Variants in SARNP observed in about 807,000 individuals in gnomAD.
SARNP encodes the protein SAP domain containing ribonucleoprotein.
Under a neutral mutation model 38.1 loss-of-function variants are expected in SARNP, and 5 were observed. The observed-to-expected ratio is 0.13, with a 90% confidence interval of 0.07 to 0.28. SARNP has a LOEUF of 0.28. Among genes scored for constraint, SARNP ranks in the 10% least tolerant of loss-of-function variants. SARNP has a pLI of 1.00. For synonymous variants in SARNP, 84 were observed against 80.6 expected, an observed-to-expected ratio of 1.04 and a Z score of -0.23; for missense variants, 180 against 243.9, an observed-to-expected ratio of 0.74 and a Z score of 1.75.
Position 55,757,454 on chromosome 12 carries a change from CAAG to C in SARNP, c.*55_*57del, listed in dbSNP as rs531443385. On this transcript the variant is annotated 3_prime_UTR_variant, in exon 11 of 11. Transcript: ENST00000336133. ...CTGTGCATTTAGGCATATATGTGAC[CAAG>C]AAGAAGGAGAGAAATGGAAAACACT... 3.2e-5 allele frequency: 48 copies of C among 1,498,234 alleles called. No individual in the cohort carries two copies. The highest frequency in any genetic ancestry group is 3.5e-4 in the Middle Eastern group (2 of 5,770). 92.8% of individuals were successfully genotyped at this position (1,498,234 alleles called of 1,614,324 possible). A position where few individuals can be genotyped will look rare whatever the true frequency, so the allele number is the denominator to read the frequency against.
chr12:55,795,028 C>A, intron 5 of SARNP, 148 bp from the exon 6 acceptor site: 1 of 548,790 alleles, frequency 1.8e-6, no homozygotes, highest in Non-Finnish European at 3.2e-6. Flanking sequence ...GGCATGATCT[C>A]GGCTCACTGC....
intron 1 of SARNP, among the ~76,000 whole-genome samples, chr12:55,806,305 T>G (rs1160905621): frequency 6.6e-6 from 1 of 151,480 alleles, no homozygotes; most frequent in Non-Finnish European, 1.5e-5. Flanking sequence ...GACGGAGTCT[T>G]GCTCTGGTGC....
intron 8 of SARNP, 61 bp from the exon 9 acceptor site, chr12:55,789,204 C>G: frequency 8.6e-7 from 1 of 1,161,422 alleles, no homozygotes; most frequent in Non-Finnish European, 1.3e-6. Context: ...ACAAAAAATG[C>G]AGAAACTATA....
intron 9 of SARNP, among the ~76,000 whole-genome samples, chr12:55,766,048 T>A (rs1878820322): frequency 6.6e-6 from 1 of 152,204 alleles, no homozygotes; most frequent in South Asian, 2.1e-4. Context: ...CATGTCTCTC[T>A]GCATTCATCA....
intron 9 of SARNP, among the ~76,000 whole-genome samples, chr12:55,766,512 C>T (rs1174618748): frequency 1.3e-5 from 2 of 149,218 alleles, no homozygotes; most frequent in African/African-American, 5.0e-5. Flanking sequence ...GTTCGCTTTC[C>T]TTAAGATCTC....
At chr12:55,775,928 A>C (rs1324080321) in intron 9 of SARNP, among the ~76,000 whole-genome samples, 1 of 152,188 alleles carries the variant, frequency 6.6e-6, no homozygotes, top group African/African-American at 2.4e-5. Flanking sequence ...CCATTCTGCC[A>C]TTGCTCTCAC....
In SARNP at chr12:55,800,886, T is replaced by C. The variant is rs1163257932; in HGVS notation, c.151A>G (p.Asn51Asp). Residue 51 changes from asparagine (N) to aspartate (D), a missense_variant, in exon 3 of 11, where the codon AAT (asparagine) becomes GAT (aspartate). Around this residue, in one of 2 missense-constraint regions of SARNP, gnomAD observed 161 missense variants for 194.1 expected, o/e 0.83. Coordinates refer to ENST00000336133, the MANE Select transcript of SARNP (RefSeq NM_033082.4). ...TCATCTCCCAGTACATCTTCTTCAT[T>C]TGCCTCCTCTTCAGCTAAAGAATAT... ...YLEEHAEEEA[N>D]EEDVLGDETE... The C allele has an allele frequency of 1.2e-6, 2 of 1,612,904 alleles. No homozygotes were observed. Among genetic ancestry groups the C allele is most frequent in the Non-Finnish European group, 1.7e-6 (2 of 1,179,120 alleles).
At chr12:55,760,519 A>T (rs1219074127) in intron 10 of SARNP, 32 bp downstream of exon 10, 3 of 1,181,052 alleles carry the variant, frequency 2.5e-6, no homozygotes, top group Non-Finnish European at 3.8e-6. Flanking sequence ...TTTCCCTTCA[A>T]GGTCTATGAA....
intron 9 of SARNP, among the ~76,000 whole-genome samples, chr12:55,766,473 C>T (rs967263738): frequency 9.2e-5 from 14 of 152,112 alleles, no homozygotes; most frequent in Non-Finnish European, 5.9e-5. Context: ...TCAGTATATA[C>T]AAACCTCATG....
intron 1 of SARNP, among the ~76,000 whole-genome samples, chr12:55,817,170 C>G (rs1434594211): frequency 1.3e-5 from 2 of 152,166 alleles, no homozygotes; most frequent in Non-Finnish European, 2.9e-5. Flanking sequence ...GTAATCCCAC[C>G]TAGAAAAGGG....
intron 9 of SARNP, among the ~76,000 whole-genome samples, chr12:55,780,380 G>A (rs976177213): frequency 1.5e-4 from 23 of 151,944 alleles, no homozygotes; most frequent in African/African-American, 5.6e-4. Flanking sequence ...CTTGAACCTG[G>A]GAGGCAGAGG....
rs148764142 is a variant in SARNP at position 55,808,341 on chromosome 12, G to A, written c.37-4613C>T. 4.1e-4 allele frequency among the ~76,000 whole-genome samples: 62 copies of A among 150,406 alleles called. 2 individuals carry two copies. Among genetic ancestry groups the A allele is most frequent in the Middle Eastern group, 3.5e-3 (1 of 286 alleles). ...CCTACAATTTTTTTTTTTTTGAGAT[G>A]GAGTTTCACTCTTGCTGCCCAGGCT... On this transcript the variant is annotated intron_variant, in intron 1 of 10. Transcript: ENST00000336133.
At position 55,817,383 on chromosome 12, in the gene SARNP, A is replaced by C. The variant is rs117131182; in HGVS notation, c.36+283T>G. Reference sequence around the variant, plus strand: ...GCAGCCCTGAAAAGCAACGAAGAGTATAACAGGTAGAAGGCACTTACACAA... The same window carrying C: ...GCAGCCCTGAAAAGCAACGAAGAGTCTAACAGGTAGAAGGCACTTACACAA... On this transcript the variant is annotated intron_variant, in intron 1 of 10. Coordinates refer to ENST00000336133, the MANE Select transcript of SARNP (RefSeq NM_033082.4). Among the ~76,000 whole-genome samples the C allele has an allele frequency of 1.1e-3, 175 of 152,360 alleles. 7 individuals are homozygous for C. Among genetic ancestry groups the C allele is most frequent in the Admixed American group, 7.4e-3 (114 of 15,306 alleles).
At chr12:55,768,378 C>T (rs1186576612) in intron 9 of SARNP, among the ~76,000 whole-genome samples, 1 of 151,898 alleles carries the variant, frequency 6.6e-6, no homozygotes, top group Non-Finnish European at 1.5e-5. Flanking sequence ...GATCCGCCTA[C>T]CTCAGCCTCC....
chr12:55,799,247 C>T (rs1879907824), intron 4 of SARNP, among the ~76,000 whole-genome samples: 1 of 152,136 alleles, frequency 6.6e-6, no homozygotes, highest in South Asian at 2.1e-4. Flanking sequence ...AAATACACTG[C>T]CTTTTATAAT....
intron 9 of SARNP, among the ~76,000 whole-genome samples, chr12:55,765,316 G>T (rs1020197817): frequency 1.3e-5 from 2 of 152,098 alleles, no homozygotes; most frequent in African/African-American, 2.4e-5. Context: ...CTCAAATGGG[G>T]AGTCTGATTT....
chr12:55,759,503 C>T (rs866967798), intron 10 of SARNP, among the ~76,000 whole-genome samples: 12 of 151,830 alleles, frequency 7.9e-5, no homozygotes, highest in African/African-American at 2.7e-4. Flanking sequence ...CTCTGCCTCC[C>T]GGTTTCAAGA....
chr12:55,811,482 A>C (rs1446650511), intron 1 of SARNP, among the ~76,000 whole-genome samples: 2 of 151,904 alleles, frequency 1.3e-5, no homozygotes, highest in East Asian at 3.9e-4. Context: ...GCTGAGGTGG[A>C]TCACTTGAGT....
intron 9 of SARNP, among the ~76,000 whole-genome samples, chr12:55,778,310 C>G (rs933934932): frequency 2.0e-5 from 3 of 152,224 alleles, no homozygotes; most frequent in African/African-American, 7.2e-5. Context: ...ACACACTCAG[C>G]TAATTTTTGT....
Sources: allele counts gnomAD v4.1 joint callset (sites outside exome capture counted in the v4.1 genomes callset), GRCh38; gene constraint gnomAD v4.1.1; regional missense constraint gnomAD v4.1.1; transcripts MANE v1.5; gene names NCBI Gene and HGNC (gene_info 2026-07-23, HGNC 2026-07-21).